Variants in RPS6KA5 observed in about 807,000 individuals in gnomAD.
RPS6KA5 encodes ribosomal protein S6 kinase A5.
Under a neutral mutation model 85.5 loss-of-function variants are expected in RPS6KA5, and 27 were observed. The observed-to-expected ratio is 0.32, with a 90% confidence interval of 0.23 to 0.44. The LOEUF (loss-of-function observed/expected upper bound fraction) is 0.44. Ranked by LOEUF, RPS6KA5 falls within the 20% of genes least tolerant of loss-of-function variation. The pLI, the probability that RPS6KA5 is intolerant of heterozygous loss-of-function variation, is 1.00. For synonymous variants in RPS6KA5, 334 were observed against 348.2 expected (o/e 0.96, Z 0.46); for missense variants, 811 against 980.9 (o/e 0.83, Z 2.31).
rs554032912 is a variant in RPS6KA5, at chr14:90,983,060, C to T, written c.176-4536G>A. 4.3e-3 allele frequency among the ~76,000 whole-genome samples: 652 copies of T among 151,610 alleles called. 7 individuals carry two copies. The highest frequency in any genetic ancestry group is 0.01 in the Middle Eastern group (3 of 294). On this transcript the variant is annotated intron_variant, in intron 2 of 16. Transcript: ENST00000614987. ...CCCAGGAGGTGGAGCTTGCAGTGAG[C>T]CAAGATCGTGCCACTGCACTCCGGC...
intron 13 of RPS6KA5, among the ~76,000 whole-genome samples, chr14:90,893,372 T>C (rs555233973): frequency 6.6e-6 from 1 of 152,332 alleles, no homozygotes; most frequent in South Asian, 2.1e-4. Flanking sequence ...ATAATGGTAA[T>C]AGAAAATACA....
chr14:91,011,032 T>G (rs1001620940), intron 1 of RPS6KA5, among the ~76,000 whole-genome samples: 1 of 152,170 alleles, frequency 6.6e-6, no homozygotes, highest in Non-Finnish European at 1.5e-5. Context: ...AGCAGTCAGC[T>G]TGGCCAAAAA....
chr14:90,964,070 C>A (rs191883703), intron 3 of RPS6KA5, among the ~76,000 whole-genome samples: 4 of 152,178 alleles, frequency 2.6e-5, no homozygotes, highest in Admixed American at 6.5e-5. Context: ...GAAGACTAAT[C>A]AAATATTAAT....
Position 90,946,676 on chromosome 14 carries a change from T to C in RPS6KA5, c.510+759A>G, listed in dbSNP as rs534065308. 4.6e-5 allele frequency among the ~76,000 whole-genome samples: 7 copies of C among 152,296 alleles called. No individual in the cohort carries two copies. In the South Asian group the frequency reaches 1.0e-3, roughly 23 times the overall value. ...AGGGTGGCTTCATGATGTACCTGAATTGTCCTAATTTAAAAATTACTTGAG... is the reference window on the plus strand; with the variant it reads ...AGGGTGGCTTCATGATGTACCTGAACTGTCCTAATTTAAAAATTACTTGAG... On this transcript the variant is annotated intron_variant, in intron 4 of 16. Transcript: ENST00000614987.
Position 90,912,878 on chromosome 14 carries a change from C to T in RPS6KA5, c.807-6579G>A, listed in dbSNP as rs932070539. Reference sequence around the variant, plus strand: ...GCATGTCTTATGTAAGCTATAAATACTCTTCTTCACTGTCACATAAAGCAT... The same window carrying T: ...GCATGTCTTATGTAAGCTATAAATATTCTTCTTCACTGTCACATAAAGCAT... On this transcript the variant is annotated intron_variant, in intron 7 of 16. Coordinates refer to ENST00000614987, the MANE Select transcript of RPS6KA5 (RefSeq NM_004755.4). Among the ~76,000 whole-genome samples the T allele has an allele frequency of 2.1e-5, 3 of 144,264 alleles. 1 individual carries two copies. Among genetic ancestry groups the T allele is most frequent in the East Asian group, 4.1e-4 (2 of 4,878 alleles). 94.6% of individuals were successfully genotyped at this position (144,264 alleles called of 152,430 possible).
At position 90,943,068 on chromosome 14, in the gene RPS6KA5, A is replaced by G. The variant is rs201472771; in HGVS notation, c.618+10T>C. 1.3e-5 allele frequency: 19 copies of G among 1,475,362 alleles called. No homozygotes were observed. The African/African-American group carries it at 2.5e-4, about 19-fold the overall frequency. The allele number at this position is 1,475,362 out of a possible 1,614,324, so 91.4% of individuals were successfully genotyped here. On this transcript the variant is annotated intron_variant, in intron 5 of 16. Coordinates refer to ENST00000614987, the MANE Select transcript of RPS6KA5 (RefSeq NM_004755.4). ...CTGTTATTACTAACTTCAAATTAAA[A>G]TATACTCACTTCATCAGCCACAAAC...
intron 1 of RPS6KA5, among the ~76,000 whole-genome samples, chr14:91,032,783 C>T (rs1352046588): frequency 1.1e-5 from 1 of 90,756 alleles, no homozygotes; most frequent in South Asian, 4.0e-4. Context: ...ACACAGAATT[C>T]ATAGAAAAAA....
chr14:90,911,184 A>C (rs1171239742), intron 7 of RPS6KA5: 1 of 152,204 alleles, frequency 6.6e-6, no homozygotes, highest in Non-Finnish European at 1.5e-5. Flanking sequence ...TGGAGTAAGA[A>C]TTCTCTTTGT....
chr14:90,923,113 C>A lies in RPS6KA5; in HGVS notation c.702G>T (p.Lys234Asn). 1 of 1,603,588 alleles carries A rather than the reference C, an allele frequency of 6.2e-7. No homozygotes were observed. Among genetic ancestry groups the A allele is most frequent in the Non-Finnish European group, 8.5e-7 (1 of 1,171,426 alleles). The change falls in exon 6 of 17, where the codon AAG becomes AAT. Residue 234 changes from lysine to asparagine, a missense_variant and splice_region_variant. Transcript: ENST00000614987. ...IVRGGDSGHDKAVDWWSLGVL... is the reference protein window; with the variant it reads ...IVRGGDSGHDNAVDWWSLGVL... ...AAGAAGCATCAAAAATAGAACATACCTTGTCATGTCCTGAATCTCCCCCTC... is the reference window on the plus strand; with the variant it reads ...AAGAAGCATCAAAAATAGAACATACATTGTCATGTCCTGAATCTCCCCCTC...
intron 1 of RPS6KA5, among the ~76,000 whole-genome samples, chr14:91,040,502 A>C (rs747406858): frequency 3.3e-5 from 5 of 152,174 alleles, no homozygotes; most frequent in Non-Finnish European, 5.9e-5. Context: ...GTGCCTGTGG[A>C]CTATCCAAAT....
chr14:90,992,066 G>A lies in RPS6KA5; in HGVS notation c.175+9022C>T, dbSNP rs1379147281. 3.3e-5 allele frequency among the ~76,000 whole-genome samples: 5 copies of A among 152,112 alleles called. No individual in the cohort carries two copies. In the South Asian group the frequency reaches 8.3e-4, roughly 25 times the overall value. ...CATGACACATGAAGACATCTGATGA[G>A]TCTTTCCTATTATTCTAAGTAGTGC... is the stretch of plus-strand genomic sequence containing the variant. On this transcript the variant is annotated intron_variant, in intron 2 of 16. Transcript: ENST00000614987.
intron 14 of RPS6KA5, among the ~76,000 whole-genome samples, chr14:90,886,154 C>T (rs1053574326): frequency 4.0e-5 from 6 of 151,756 alleles, no homozygotes; most frequent in South Asian, 2.1e-4. Context: ...TAAAGAAGAG[C>T]GTGCACACTA....
chr14:91,014,554 A>T (rs929664525), intron 1 of RPS6KA5, among the ~76,000 whole-genome samples: 11 of 151,926 alleles, frequency 7.2e-5, no homozygotes, highest in Middle Eastern at 3.4e-3. Flanking sequence ...AGAAATTTTC[A>T]GACTCAATCA....
chr14:91,001,042 A>G (rs1336049785), intron 2 of RPS6KA5, 46 bp downstream of exon 2: 1 of 1,082,806 alleles, frequency 9.2e-7, no homozygotes, highest in African/African-American at 1.6e-5. Flanking sequence ...CATAGGAATA[A>G]TAAGTACTTT....
At chr14:90,899,489 A>G in intron 11 of RPS6KA5, 67 bp from the exon 12 acceptor site, 2 of 1,045,386 alleles carry the variant, frequency 1.9e-6, no homozygotes, top group Non-Finnish European at 3.0e-6. Context: ...TACTGCCCCA[A>G]GACTAATTTT....
At chr14:90,957,579 C>T (rs2038589482) in intron 3 of RPS6KA5, among the ~76,000 whole-genome samples, 1 of 152,132 alleles carries the variant, frequency 6.6e-6, no homozygotes. Context: ...TGTTAGGACC[C>T]ACTAATTGCT....
chr14:91,048,256 A>C (rs992893135), intron 1 of RPS6KA5, among the ~76,000 whole-genome samples: 4 of 152,190 alleles, frequency 2.6e-5, no homozygotes, highest in Admixed American at 6.5e-5. Context: ...TACAAGAATT[A>C]ATGATATAAT....
chr14:91,051,642 C>T (rs774333344), intron 1 of RPS6KA5, among the ~76,000 whole-genome samples: 28 of 151,874 alleles, frequency 1.8e-4, no homozygotes, highest in Non-Finnish European at 3.4e-4. Flanking sequence ...TGCCCGCCAC[C>T]GTGCCCAGCT....
chr14:90,904,082 TG>T (rs889055235), intron 8 of RPS6KA5, among the ~76,000 whole-genome samples: 6 of 152,134 alleles, frequency 3.9e-5, no homozygotes, highest in Non-Finnish European at 7.4e-5. Flanking sequence ...CCTGAGTAGC[TG>T]GGACTACAGG....
Sources: allele counts gnomAD v4.1 joint callset (sites outside exome capture counted in the v4.1 genomes callset), GRCh38; gene constraint gnomAD v4.1.1; transcripts MANE v1.5; gene names NCBI Gene and HGNC (gene_info 2026-07-23, HGNC 2026-07-21).